The following TATDN2 variants were observed in gnomAD, a reference collection of about 807,000 sequenced individuals.
TATDN2 encodes 3'-5' RNA nuclease TATDN2.
Under a neutral mutation model 60.3 loss-of-function variants are expected in TATDN2, and 44 were observed. The observed-to-expected ratio is 0.73, with a 90% CI of 0.57 to 0.94. TATDN2 has a LOEUF of 0.94. Ranked by LOEUF, TATDN2 falls within the 40% of genes least tolerant of loss-of-function variation. The pLI is 0.00. For synonymous variants in TATDN2, 399 were observed against 355.8 expected (o/e 1.12, Z -1.37); for missense variants, 997 against 948.0 (o/e 1.05, Z -0.68).
intron 5 of TATDN2, among the ~76,000 whole-genome samples, chr3:10,277,828 A>C (rs1698661000): frequency 6.6e-6 from 1 of 152,230 alleles, no homozygotes; most frequent in Non-Finnish European, 1.5e-5. Context: ...GGCACCAAGA[A>C]CATGAACAGG....
chr3:10,259,745 A>G (rs1389845437), intron 2 of TATDN2, among the ~76,000 whole-genome samples: 1 of 152,178 alleles, frequency 6.6e-6, no homozygotes, highest in Non-Finnish European at 1.5e-5. Context: ...CTGGGTCCTC[A>G]GGTTTCCTTT....
At chr3:10,271,801 C>A (rs1698570397) in intron 4 of TATDN2, among the ~76,000 whole-genome samples, 1 of 104,018 alleles carries the variant, frequency 9.6e-6, no homozygotes, top group Non-Finnish European at 2.6e-5. Context: ...GCCTCCACCT[C>A]CGCCTCCGCC....
chr3:10,254,621 G>A (rs762827386), intron 2 of TATDN2, among the ~76,000 whole-genome samples: 1 of 152,194 alleles, frequency 6.6e-6, no homozygotes, highest in Admixed American at 6.5e-5. Flanking sequence ...CTGAAGTGGT[G>A]GGGTTTGCAT....
intron 3 of TATDN2, among the ~76,000 whole-genome samples, chr3:10,266,929 G>GTTTTTTTTTTT (rs1559462593): frequency 3.0e-5 from 3 of 100,374 alleles, no homozygotes; most frequent in African/African-American, 6.7e-5. Context: ...AACTAAGGCA[G>GTTTTTTTTTTT]TCTTTTTTTT....
chr3:10,261,063 A>G (rs894385882), intron 3 of TATDN2, among the ~76,000 whole-genome samples: 6 of 152,194 alleles, frequency 3.9e-5, no homozygotes, highest in Non-Finnish European at 8.8e-5. Flanking sequence ...TGTGAAATGG[A>G]TACTCTGATA....
chr3:10,279,704 C>T lies in TATDN2; in HGVS notation c.*522C>T, dbSNP rs553235663. On this transcript the variant is annotated 3_prime_UTR_variant, in exon 8 of 8. Coordinates refer to ENST00000448281, the MANE Select transcript of TATDN2 (RefSeq NM_014760.4). The stretch of plus-strand genomic sequence containing the variant: ...TTTATTTTCTTGCAACCAGTGAAGT[C>T]GTCCTCCTCCCTTCCCTGGATAACT... 25 of 152,316 alleles carry T rather than the reference C, an allele frequency of 1.6e-4. No individual in the cohort carries two copies. The highest frequency in any genetic ancestry group is 5.5e-4 in the African/African-American group (23 of 41,524). The allele number at this position is 152,316 out of a possible 1,614,324, so 9.4% of individuals were successfully genotyped here.
chr3:10,260,519 A>G lies in TATDN2; in HGVS notation c.797A>G (p.Glu266Gly). The stretch of plus-strand genomic sequence containing the variant: ...ATGGAGGAGGATAAGACAGTGCCAG[A>G]GAGGAGCAGCTTCTATGACAGGAGA... Reference protein sequence around the residue: ...VSMEEDKTVPERSSFYDRRVV... With the variant: ...VSMEEDKTVPGRSSFYDRRVV... Residue 266 changes from glutamate to glycine, a missense_variant, in exon 3 of 8, where the codon GAG becomes GGG. Coordinates refer to ENST00000448281, the MANE Select transcript of TATDN2 (RefSeq NM_014760.4). 1 of 1,614,130 alleles carries G rather than the reference A, an allele frequency of 6.2e-7. No homozygotes were observed. The highest frequency in any genetic ancestry group is 8.5e-7 in the Non-Finnish European group (1 of 1,179,994).
rs1553630024 is a variant in TATDN2, at chr3:10,275,778, C to CCAA, written c.1834-583_1834-582insCAA. ...CAAAACAAAACAAAACAAAAAAAAA[C>CCAA]AAAGCAAGTTGTAGAAAATAAGTGT... On this transcript the variant is annotated intron_variant, in intron 4 of 7. Coordinates refer to ENST00000448281, the MANE Select transcript of TATDN2 (RefSeq NM_014760.4). 1.1e-3 allele frequency among the ~76,000 whole-genome samples: 107 copies of CCAA among 99,794 alleles called. 2 individuals carry two copies. The highest frequency in any genetic ancestry group is 8.9e-3 in the Admixed American group (81 of 9,070). The allele number at this position is 99,794 out of a possible 152,430, so 65.5% of individuals were successfully genotyped here. A position where few individuals can be genotyped will look rare whatever the true frequency, so the allele number is the denominator to read the frequency against.
At chr3:10,269,014 T>A (rs1242500899) in intron 3 of TATDN2, among the ~76,000 whole-genome samples, 1 of 152,230 alleles carries the variant, frequency 6.6e-6, no homozygotes, top group Non-Finnish European at 1.5e-5. Flanking sequence ...GAGCCCCATG[T>A]AGTTCCTTTC....
In TATDN2 at chr3:10,278,783, GC is replaced by G; in HGVS notation, c.2146-98del. On this transcript the variant is annotated intron_variant, in intron 6 of 7. Coordinates refer to ENST00000448281, the MANE Select transcript of TATDN2 (RefSeq NM_014760.4). The surrounding 1 kb of genome is among the most constrained non-coding windows in gnomAD (Gnocchi z 4.7). ...CAGGTAAAGGGGTCTCTACAGGGCAGCCCCAAAGAGGTCCTTGCTGGGGAAG... is the reference window on the plus strand; with the variant it reads ...CAGGTAAAGGGGTCTCTACAGGGCAGCCCAAAGAGGTCCTTGCTGGGGAAG... 1.9e-6 allele frequency: 3 copies of G among 1,558,598 alleles called. No individual in the cohort carries two copies. In the South Asian group the frequency reaches 3.4e-5, roughly 18 times the overall value.
intron 2 of TATDN2, among the ~76,000 whole-genome samples, chr3:10,257,794 G>A (rs1698333607): frequency 7.0e-6 from 1 of 142,286 alleles, no homozygotes. Context: ...GTACTTTCAG[G>A]AAAATAGATG....
intron 2 of TATDN2, among the ~76,000 whole-genome samples, chr3:10,259,162 G>A (rs56284018): frequency 0.17 from 25,525 of 152,050 alleles, 3,096 homozygotes; most frequent in East Asian, 0.65. Context: ...ATGAGCCACC[G>A]CGCCCCGTGT....
rs562714561 is a variant in TATDN2 at position 10,279,999 on chromosome 3, C to G, written c.*817C>G. 1 of 153,742 alleles carries G rather than the reference C, an allele frequency of 6.5e-6. No individual in the cohort carries two copies. Among genetic ancestry groups the G allele is most frequent in the African/African-American group, 2.4e-5 (1 of 41,428 alleles). The allele number at this position is 153,742 out of a possible 1,614,324, so 9.5% of individuals were successfully genotyped here. A position where few individuals can be genotyped will look rare whatever the true frequency, so the allele number is the denominator to read the frequency against. ...TAAGCTGATAAGGTTCAGTTTGCGG[C>G]GGAAACTACCTGCTAGTCTTGTGTC... On this transcript the variant is annotated 3_prime_UTR_variant, in exon 8 of 8. Coordinates refer to ENST00000448281, the MANE Select transcript of TATDN2 (RefSeq NM_014760.4).
chr3:10,272,129 G>GAT (rs1052397653), intron 4 of TATDN2, among the ~76,000 whole-genome samples: 38 of 151,754 alleles, frequency 2.5e-4, no homozygotes, highest in African/African-American at 8.5e-4. Context: ...TTTTTTCAGA[G>GAT]ATAAGGTCTT....
At chr3:10,275,080 G>C (rs1298315600) in intron 4 of TATDN2, among the ~76,000 whole-genome samples, 1 of 150,258 alleles carries the variant, frequency 6.7e-6, no homozygotes, top group African/African-American at 2.5e-5. Context: ...TTGCCTCCCA[G>C]GTTCAGGGGA....
chr3:10,265,907 G>A (rs1048208496), intron 3 of TATDN2, among the ~76,000 whole-genome samples: 45 of 151,946 alleles, frequency 3.0e-4, no homozygotes, highest in African/African-American at 1.0e-3. Flanking sequence ...TTTCATCTGC[G>A]GCTTCACCCT....
chr3:10,278,379 T>TG lies in TATDN2; in HGVS notation c.2065dup (p.Glu689GlyfsTer65). 1.9e-6 allele frequency: 3 copies of TG among 1,614,170 alleles called. No individual in the cohort carries two copies. The highest frequency in any genetic ancestry group is 2.5e-6 in the Non-Finnish European group (3 of 1,180,018). ...GGCAGTGCTGACATACTCCTCTGCC[T>TG]GGGAGGCCCGGGAAGCCTTGAGGCA... is the stretch of plus-strand genomic sequence containing the variant. On this transcript the variant is annotated frameshift_variant, in exon 6 of 8. Coordinates refer to ENST00000448281, the MANE Select transcript of TATDN2 (RefSeq NM_014760.4). LOFTEE classifies it high-confidence loss of function. The surrounding 1 kb of genome is among the most constrained non-coding windows in gnomAD (Gnocchi z 4.7).
intron 2 of TATDN2, 142 bp from the exon 3 acceptor site, chr3:10,259,992 TCAC>T (rs1158039242): frequency 1.1e-6 from 1 of 924,614 alleles, no homozygotes; most frequent in East Asian, 2.6e-5. Context: ...CAGTGCCACT[TCAC>T]CACCCGGAGA....
In TATDN2 at chr3:10,281,095, C is replaced by T. The variant is rs1559466577; in HGVS notation, c.*1913C>T. ...CTGTGTGGGCGTGAAAGCTGATTGG[C>T]ATTGTTTTTGATTCAGCTTTTTGGA... On this transcript the variant is annotated 3_prime_UTR_variant, in exon 8 of 8. Coordinates refer to ENST00000448281, the MANE Select transcript of TATDN2 (RefSeq NM_014760.4). 1 of 152,198 alleles carries T rather than the reference C, an allele frequency of 6.6e-6. No homozygotes were observed. Among genetic ancestry groups the T allele is most frequent in the African/African-American group, 2.4e-5 (1 of 41,448 alleles). The allele number at this position is 152,198 out of a possible 1,614,324, so 9.4% of individuals were successfully genotyped here.
Sources: gnomAD v4.1 joint callset for allele counts (sites outside exome capture counted in the v4.1 genomes callset) on GRCh38, gnomAD v4.1.1 for gene constraint, Gnocchi (gnomAD v3.1) non-coding constraint, MANE v1.5 for transcripts, NCBI Gene and HGNC (gene_info 2026-07-23, HGNC 2026-07-21) for gene names.